The following CFAP299 variants were observed in gnomAD, a reference collection of about 807,000 sequenced individuals.
The protein encoded by CFAP299 is cilia- and flagella-associated protein 299.
CFAP299 carries 21 observed loss-of-function variants against 27.0 expected under a neutral mutation model. The observed-to-expected ratio is 0.78, with a 90% CI of 0.55 to 1.12. The LOEUF is 1.12. Among genes scored for constraint, CFAP299 ranks in the 50% most tolerant of loss-of-function variants. CFAP299 has a pLI of 0.00. For missense variants in CFAP299, 310 were observed against 276.6 expected (o/e 1.12, Z -0.86); for synonymous variants, 104 against 98.1 (o/e 1.06, Z -0.36).
chr4:80,740,330 T>C (rs1306574075), intron 3 of CFAP299, among the ~76,000 whole-genome samples: 2 of 152,226 alleles, frequency 1.3e-5, no homozygotes, highest in South Asian at 2.1e-4. Flanking sequence ...TTGAAGCTAC[T>C]TGGGCTCCAA....
rs1737614397 is a variant in CFAP299 at position 80,948,859 on chromosome 4, C to T, written c.606+3920C>T. On this transcript the variant is annotated intron_variant, in intron 5 of 5. Transcript: ENST00000358105. Reference sequence around the variant, plus strand: ...AATAATAATAATAGTAATAGTGCTACACTAATTAAAAGTTAATGAGTAAAT... The same window carrying T: ...AATAATAATAATAGTAATAGTGCTATACTAATTAAAAGTTAATGAGTAAAT... 3.3e-5 allele frequency among the ~76,000 whole-genome samples: 5 copies of T among 152,040 alleles called. No individual in the cohort carries two copies. The South Asian group carries it at 6.2e-4, about 19-fold the overall frequency.
intron 1 of CFAP299, among the ~76,000 whole-genome samples, chr4:80,346,374 A>T (rs1478824400): frequency 6.6e-6 from 1 of 152,006 alleles, no homozygotes; most frequent in Admixed American, 6.6e-5. Flanking sequence ...AATGGTATTG[A>T]CTAGGTTTTC....
At chr4:80,585,260 T>C (rs148621699) in intron 3 of CFAP299, among the ~76,000 whole-genome samples, 72 of 152,226 alleles carry the variant, frequency 4.7e-4, no homozygotes, top group Non-Finnish European at 8.8e-5. Context: ...TGTAGTGTAC[T>C]AAAAGATCAG....
intron 3 of CFAP299, among the ~76,000 whole-genome samples, chr4:80,686,808 C>A (rs1240139666): frequency 6.6e-6 from 1 of 152,198 alleles, no homozygotes; most frequent in Non-Finnish European, 1.5e-5. Context: ...ATGAAAACTA[C>A]AGCACAGTGA....
upstream of CFAP299, among the ~76,000 whole-genome samples, chr4:80,334,813 A>G (rs942954377): frequency 1.3e-5 from 2 of 152,216 alleles, no homozygotes; most frequent in Non-Finnish European, 2.9e-5. Context: ...AAGCTAACTG[A>G]AATGAAGTAT....
chr4:80,717,534 C>A (rs1187258684), intron 3 of CFAP299, among the ~76,000 whole-genome samples: 1 of 152,080 alleles, frequency 6.6e-6, no homozygotes, highest in Non-Finnish European at 1.5e-5. Context: ...CATCTAAAGT[C>A]CTGAATTCCC....
intron 5 of CFAP299, among the ~76,000 whole-genome samples, chr4:80,956,686 G>A (rs542123393): frequency 1.3e-5 from 2 of 151,576 alleles, no homozygotes; most frequent in South Asian, 2.1e-4. Context: ...GGCCTCAAGC[G>A]ATCCTCCTGC....
intron 3 of CFAP299, among the ~76,000 whole-genome samples, chr4:80,769,421 G>T (rs1013683144): frequency 6.6e-6 from 1 of 152,026 alleles, no homozygotes; most frequent in South Asian, 2.1e-4. Flanking sequence ...TTGAAACAGG[G>T]TCTCACTCTA....
intron 2 of CFAP299, among the ~76,000 whole-genome samples, chr4:80,518,463 G>T (rs542983097): frequency 1.1e-4 from 16 of 152,114 alleles, no homozygotes; most frequent in African/African-American, 3.9e-4. Flanking sequence ...TGCGAGTTCC[G>T]TACAGGAGAA....
chr4:80,939,871 C>A (rs1302467683), intron 4 of CFAP299, among the ~76,000 whole-genome samples: 1 of 152,088 alleles, frequency 6.6e-6, no homozygotes, highest in Non-Finnish European at 1.5e-5. Context: ...GCTCTTTTTT[C>A]CTCCTATGAG....
At chr4:80,535,622 A>C (rs887869597) in intron 2 of CFAP299, among the ~76,000 whole-genome samples, 1 of 152,130 alleles carries the variant, frequency 6.6e-6, no homozygotes, top group African/African-American at 2.4e-5. Context: ...CATTAACATT[A>C]AAAGAGAACC....
At chr4:80,538,668 T>C (rs990226179) in intron 2 of CFAP299, among the ~76,000 whole-genome samples, 5 of 152,206 alleles carry the variant, frequency 3.3e-5, no homozygotes, top group Admixed American at 3.3e-4. Flanking sequence ...TTCAGTACAG[T>C]AACATGCTGT....
At chr4:80,949,687 A>G (rs72866905) in intron 5 of CFAP299, among the ~76,000 whole-genome samples, 3,778 of 152,210 alleles carry the variant, frequency 0.025, 155 homozygotes, top group African/African-American at 0.086. Flanking sequence ...ATTCACAAGT[A>G]TAAAACAGAC....
intron 2 of CFAP299, among the ~76,000 whole-genome samples, chr4:80,484,549 G>C (rs1000378729): frequency 6.6e-6 from 1 of 152,146 alleles, no homozygotes; most frequent in South Asian, 2.1e-4. Flanking sequence ...TGACTGTAAT[G>C]CCATAATACA....
intron 2 of CFAP299, among the ~76,000 whole-genome samples, chr4:80,431,602 A>T (rs945510400): frequency 6.6e-6 from 1 of 151,480 alleles, no homozygotes; most frequent in African/African-American, 2.4e-5. Context: ...GAAGCCACTG[A>T]GTTAAGGCCA....
chr4:80,631,610 T>A (rs976982330), intron 3 of CFAP299, among the ~76,000 whole-genome samples: 1 of 152,132 alleles, frequency 6.6e-6, no homozygotes, highest in African/African-American at 2.4e-5. Context: ...AGAAGGTACT[T>A]CATTTTGTCT....
In CFAP299 at chr4:80,507,816, C is replaced by T. The variant is rs116005375; in HGVS notation, c.243-75277C>T. Among the ~76,000 whole-genome samples the T allele has an allele frequency of 6.9e-3, 1,044 of 152,256 alleles. 16 individuals are homozygous for T. The highest frequency in any genetic ancestry group is 0.024 in the African/African-American group (998 of 41,568). On this transcript the variant is annotated intron_variant, in intron 2 of 5. Transcript: ENST00000358105. ...GGGAGAGATGCTTGGGTCCTAGAAG[C>T]TCCACTCATTGGGGATTTATGTTGT... is the stretch of plus-strand genomic sequence containing the variant.
chr4:80,802,446 C>T (rs1247577946), intron 3 of CFAP299, among the ~76,000 whole-genome samples: 1 of 151,892 alleles, frequency 6.6e-6, no homozygotes, highest in African/African-American at 2.4e-5. Context: ...TAGTATATGC[C>T]TTTAACATGC....
chr4:80,474,343 A>T (rs1730167217), intron 2 of CFAP299, among the ~76,000 whole-genome samples: 1 of 152,244 alleles, frequency 6.6e-6, no homozygotes, highest in Non-Finnish European at 1.5e-5. Context: ...TGGGTGGGAC[A>T]ATATATTTAA....
Sources: gnomAD v4.1 joint callset for allele counts (sites outside exome capture counted in the v4.1 genomes callset) on GRCh38, gnomAD v4.1.1 for gene constraint, MANE v1.5 for transcripts, NCBI Gene and HGNC (gene_info 2026-07-23, HGNC 2026-07-21) for gene names.